The following GALNT17 variants were observed in gnomAD, a reference collection of about 807,000 sequenced individuals.
The protein encoded by GALNT17 is polypeptide N-acetylgalactosaminyltransferase 17.
A neutral mutation model predicts 63.7 loss-of-function variants in GALNT17; 29 were observed. That is an observed-to-expected ratio of 0.46 (90% CI 0.34 to 0.62). The LOEUF is 0.62. GALNT17 is among the 20% of genes least tolerant of loss of function. GALNT17 has a pLI of 0.01. For synonymous variants in GALNT17, 305 were observed against 318.3 expected, an observed-to-expected ratio of 0.96 and a Z score of 0.45; for missense variants, 603 against 799.6, an observed-to-expected ratio of 0.75 and a Z score of 2.97.
At chr7:71,710,174 C>T (rs989243686) in intron 9 of GALNT17, among the ~76,000 whole-genome samples, 2 of 152,108 alleles carry the variant, frequency 1.3e-5, no homozygotes, top group African/African-American at 4.8e-5. Context: ...TGTTGCTGAA[C>T]AGAAGACTAG....
intron 1 of GALNT17, among the ~76,000 whole-genome samples, chr7:71,244,267 G>A (rs1790054576): frequency 6.6e-6 from 1 of 152,208 alleles, no homozygotes; most frequent in Non-Finnish European, 1.5e-5. Context: ...GCTGTCATCA[G>A]GGAGAATGCT....
intron 6 of GALNT17, among the ~76,000 whole-genome samples, chr7:71,611,382 A>C (rs1445729030): frequency 6.6e-6 from 1 of 152,172 alleles, no homozygotes; most frequent in African/African-American, 2.4e-5. Flanking sequence ...TTTAGTTACC[A>C]GTCATCATTC....
intron 5 of GALNT17, among the ~76,000 whole-genome samples, chr7:71,463,383 C>A (rs897683687): frequency 6.6e-6 from 1 of 152,152 alleles, no homozygotes; most frequent in African/African-American, 2.4e-5. Context: ...ACAGGACTTT[C>A]AGCAACAAGG....
At chr7:71,540,446 C>A (rs1350563405) in intron 5 of GALNT17, among the ~76,000 whole-genome samples, 1 of 151,884 alleles carries the variant, frequency 6.6e-6, no homozygotes. Context: ...AGTTAAATGT[C>A]ATTTCGTTCA....
intron 1 of GALNT17, among the ~76,000 whole-genome samples, chr7:71,215,133 C>T (rs992054845): frequency 4.6e-5 from 7 of 152,158 alleles, no homozygotes; most frequent in African/African-American, 1.7e-4. Flanking sequence ...TTCATCTTTT[C>T]GGGAATGAAT....
At chr7:71,285,802 A>C (rs1372151322) in intron 1 of GALNT17, among the ~76,000 whole-genome samples, 3 of 152,222 alleles carry the variant, frequency 2.0e-5, no homozygotes, top group Non-Finnish European at 4.4e-5. Flanking sequence ...GAATTGCAAG[A>C]AATAAATGTT....
At chr7:71,421,175 A>G (rs1786658082) in intron 5 of GALNT17, 70 bp downstream of exon 5, 24 of 1,544,452 alleles carry the variant, frequency 1.6e-5, no homozygotes, top group Admixed American at 5.7e-5. Context: ...CTACTGAGAG[A>G]GGCCAGGAAA....
At chr7:71,507,256 AAAAT>A (rs1387193371) in intron 5 of GALNT17, among the ~76,000 whole-genome samples, 9 of 152,186 alleles carry the variant, frequency 5.9e-5, no homozygotes, top group African/African-American at 2.2e-4. Context: ...ATAAGTAAAT[AAAAT>A]AAAAGGCACA....
chr7:71,231,545 A>G (rs749009349), intron 1 of GALNT17, among the ~76,000 whole-genome samples: 2 of 152,128 alleles, frequency 1.3e-5, no homozygotes, highest in Non-Finnish European at 2.9e-5. Flanking sequence ...AACGACAGAC[A>G]TCTTTTTCCC....
chr7:71,596,926 A>G (rs1164057966), intron 6 of GALNT17, among the ~76,000 whole-genome samples: 9 of 151,972 alleles, frequency 5.9e-5, no homozygotes, highest in Admixed American at 5.9e-4. Context: ...AGTGGTTCAC[A>G]CCTCTAATTC....
intron 1 of GALNT17, among the ~76,000 whole-genome samples, chr7:71,310,586 G>T (rs1166980518): frequency 6.6e-6 from 1 of 152,210 alleles, no homozygotes; most frequent in African/African-American, 2.4e-5. Context: ...ATGCCTTCAA[G>T]CAGTTCAGCA....
chr7:71,214,608 A>G (rs1197494806), intron 1 of GALNT17, among the ~76,000 whole-genome samples: 3 of 133,592 alleles, frequency 2.2e-5, no homozygotes, highest in Non-Finnish European at 3.1e-5. Flanking sequence ...ATGGTGTCTC[A>G]CTCTTGTTGC....
At chr7:71,579,446 G>A (rs541982234) in intron 6 of GALNT17, among the ~76,000 whole-genome samples, 1 of 152,306 alleles carries the variant, frequency 6.6e-6, no homozygotes, top group South Asian at 2.1e-4. Context: ...TAAATAATTA[G>A]CACTGTGATG....
intron 8 of GALNT17, among the ~76,000 whole-genome samples, chr7:71,671,953 G>A (rs935124315): frequency 6.7e-6 from 1 of 148,716 alleles, no homozygotes; most frequent in South Asian, 2.1e-4. Flanking sequence ...GCTTGAACCC[G>A]ATAGGCAGAA....
intron 6 of GALNT17, among the ~76,000 whole-genome samples, chr7:71,593,506 T>G (rs556534132): frequency 6.6e-6 from 1 of 152,266 alleles, no homozygotes; most frequent in East Asian, 1.9e-4. Context: ...CCACGTGATC[T>G]GCCCATCTTG....
chr7:71,691,427 T>G (rs1791441623), intron 9 of GALNT17, among the ~76,000 whole-genome samples: 1 of 152,236 alleles, frequency 6.6e-6, no homozygotes, highest in Non-Finnish European at 1.5e-5. Flanking sequence ...ACTTGCCTTT[T>G]TATTGCAATA....
chr7:71,270,538 CAAAAAAA>C lies in GALNT17; in HGVS notation c.239-64995_239-64989del, dbSNP rs573250852. Reference sequence around the variant, plus strand: ...AGACTACGTACCCTCCCCACCCCACCAAAAAAAAAAAAAAAAAAAAAAAGAAACGAAT... The same window carrying C: ...AGACTACGTACCCTCCCCACCCCACCAAAAAAAAAAAAAAAAGAAACGAAT... On this transcript the variant is annotated intron_variant, in intron 1 of 10. Coordinates refer to ENST00000333538, the MANE Select transcript of GALNT17 (RefSeq NM_022479.3). Among the ~76,000 whole-genome samples, 11 of 89,182 alleles carry C rather than the reference CAAAAAAA, an allele frequency of 1.2e-4. No homozygotes were observed. The East Asian group carries it at 2.3e-3, about 19-fold the overall frequency. 58.5% of individuals were successfully genotyped at this position (89,182 alleles called of 152,430 possible).
intron 1 of GALNT17, among the ~76,000 whole-genome samples, chr7:71,323,519 C>A (rs1791652824): frequency 6.6e-6 from 1 of 152,194 alleles, no homozygotes; most frequent in Non-Finnish European, 1.5e-5. Flanking sequence ...ATATTAATAA[C>A]CTTTGGACAT....
chr7:71,430,667 G>A (rs568256240), intron 5 of GALNT17, among the ~76,000 whole-genome samples: 2 of 152,274 alleles, frequency 1.3e-5, no homozygotes, highest in African/African-American at 4.8e-5. Context: ...AAATTATAAG[G>A]TATGGGTGCT....
Sources: gnomAD v4.1 joint callset for allele counts (sites outside exome capture counted in the v4.1 genomes callset) on GRCh38, gnomAD v4.1.1 for gene constraint, MANE v1.5 for transcripts, NCBI Gene and HGNC (gene_info 2026-07-23, HGNC 2026-07-21) for gene names.